Variants in PCDH18 observed in about 807,000 individuals in gnomAD.
The protein encoded by PCDH18 is protocadherin-18.
PCDH18 carries 38 observed loss-of-function variants against 71.5 expected under a neutral mutation model. That is an observed-to-expected ratio of 0.53 (90% CI 0.41 to 0.70). The LOEUF is 0.70. PCDH18 is among the 30% of genes least tolerant of loss of function. The pLI is 0.00. For missense variants in PCDH18, 1,334 were observed against 1,384.6 expected, an observed-to-expected ratio of 0.96 and a Z score of 0.58; for synonymous variants, 565 against 505.4, an observed-to-expected ratio of 1.12 and a Z score of -1.58.
chr4:137,529,029 C>A, intron 1 of PCDH18: 1 of 542,254 alleles, frequency 1.8e-6, no homozygotes, highest in South Asian at 2.7e-5. Flanking sequence ...TTTGGATGAC[C>A]TAATACAACT....
Position 137,523,101 on chromosome 4 carries a change from A to G in PCDH18, c.2741-1405T>C, listed in dbSNP as rs368573751. 1.9e-3 allele frequency among the ~76,000 whole-genome samples: 295 copies of G among 152,276 alleles called. 2 individuals carry two copies. The highest frequency in any genetic ancestry group is 0.016 in the South Asian group (75 of 4,826). On this transcript the variant is annotated intron_variant, in intron 3 of 3. Transcript: ENST00000344876. Reference sequence around the variant, plus strand: ...AATGAGATCAAGTATTATGAGTGAGAAAAAAGCTGAATCACTAGAAAACTA... The same window carrying G: ...AATGAGATCAAGTATTATGAGTGAGGAAAAAGCTGAATCACTAGAAAACTA...
rs939224662 is a variant in PCDH18, at chr4:137,519,970, A to T, written c.*1059T>A. ...GTTCTTATACTAAAAATAAAAGCAA[A>T]AATATGAGATCATGCACTGGAGACA... On this transcript the variant is annotated 3_prime_UTR_variant, in exon 4 of 4. Coordinates refer to ENST00000344876, the MANE Select transcript of PCDH18 (RefSeq NM_019035.5). 2 of 152,622 alleles carry T rather than the reference A, an allele frequency of 1.3e-5. No homozygotes were observed. Among genetic ancestry groups the T allele is most frequent in the African/African-American group, 2.4e-5 (1 of 41,460 alleles). The allele number at this position is 152,622 out of a possible 1,614,324, so 9.5% of individuals were successfully genotyped here.
At position 137,521,082 on chromosome 4, in the gene PCDH18, T is replaced by TGGCATCCATGAGTTCGTGTTTCCCATC; in HGVS notation, c.3328_3354dup (p.Asp1110_Ala1118dup). On this transcript the variant is annotated inframe_insertion, in exon 4 of 4. Coordinates refer to ENST00000344876, the MANE Select transcript of PCDH18 (RefSeq NM_019035.5). ...TTGTTAATCTCTGCCACCAGTTCAC[T>TGGCATCCATGAGTTCGTGTTTCCCATC]GGCATCCATGAGTTCGTGTTTCCCA... 1 of 1,613,278 alleles carries TGGCATCCATGAGTTCGTGTTTCCCATC rather than the reference T, an allele frequency of 6.2e-7. No individual in the cohort carries two copies. The highest frequency in any genetic ancestry group is 8.5e-7 in the Non-Finnish European group (1 of 1,179,328).
chr4:137,528,370 T>C (rs1731539481), intron 3 of PCDH18, 108 bp downstream of exon 3: 1 of 814,720 alleles, frequency 1.2e-6, no homozygotes, highest in South Asian at 1.7e-5. Context: ...ATAAATACTT[T>C]AGTGCAAGGG....
At position 137,521,200 on chromosome 4, in the gene PCDH18, C is replaced by T. The variant is rs1411948196; in HGVS notation, c.3237G>A (p.Val1079=). The part of the protein sequence containing the change: ...CGPPLGTHSS[V]QPSSKWLPAM... ...CTGGCAGCCATTTTGAAGAAGGCTG[C>T]ACACTGGAGTGAGTTCCAAGTGGCG... is the stretch of plus-strand genomic sequence containing the variant. Residue 1079 remains valine, a synonymous_variant, in exon 4 of 4, where the codon GTG becomes GTA. Transcript: ENST00000344876. The T allele has an allele frequency of 1.2e-6, 2 of 1,614,136 alleles. No homozygotes were observed. The highest frequency in any genetic ancestry group is 1.3e-5 in the African/African-American group (1 of 75,084).
At chr4:137,526,495 T>C (rs544082830) in intron 3 of PCDH18, among the ~76,000 whole-genome samples, 1 of 152,234 alleles carries the variant, frequency 6.6e-6, no homozygotes, top group African/African-American at 2.4e-5. Flanking sequence ...GAAAACTGAT[T>C]CTCTTTGAGC....
intron 3 of PCDH18, among the ~76,000 whole-genome samples, chr4:137,525,854 T>A (rs72720198): frequency 0.22 from 33,779 of 151,718 alleles, 3,907 homozygotes; most frequent in East Asian, 0.34. Flanking sequence ...AGATTTTTTT[T>A]TAAAAATTGT....
Position 137,531,848 on chromosome 4 carries a change from C to T in PCDH18, c.241G>A (p.Glu81Lys), listed in dbSNP as rs769108724. 10 of 1,614,074 alleles carry T rather than the reference C, an allele frequency of 6.2e-6. No homozygotes were observed. Among genetic ancestry groups the T allele is most frequent in the South Asian group, 1.1e-5 (1 of 91,070 alleles). ...CCTATGCTGATTTCCCCATTATCCT[C>T]GTTTACTACAAGTAGAGGAGAATTT... ...RGNSPLLVVN[E>K]DNGEISIGAT... Residue 81 changes from glutamate (E) to lysine (K), a missense_variant, in exon 1 of 4, where the codon GAG (glutamate) becomes AAG (lysine). By Grantham distance (56) the Glu-to-Lys change is moderately conservative. Coordinates refer to ENST00000344876, the MANE Select transcript of PCDH18 (RefSeq NM_019035.5).
intron 3 of PCDH18, among the ~76,000 whole-genome samples, chr4:137,524,937 A>G (rs1044950169): frequency 6.6e-6 from 1 of 152,192 alleles, no homozygotes; most frequent in African/African-American, 2.4e-5. Context: ...AAAGGCCAGA[A>G]CAGATGGGCT....
Position 137,521,404 on chromosome 4 carries a change from C to T in PCDH18, c.3033G>A (p.Val1011=), listed in dbSNP as rs202048868. ...TSSLLSEMSS[V]FQRLLPPSLD... The stretch of plus-strand genomic sequence containing the variant: ...GGGAAGGCGGTAAGAGACGCTGGAA[C>T]ACACTGCTCATTTCCGAGAGCAGAG... Residue 1011 remains valine, a synonymous_variant, in exon 4 of 4, where the codon GTG becomes GTA. Coordinates refer to ENST00000344876, the MANE Select transcript of PCDH18 (RefSeq NM_019035.5). 267 of 1,614,080 alleles carry T rather than the reference C, an allele frequency of 1.7e-4. 1 individual carries two copies. Among genetic ancestry groups the T allele is most frequent in the Middle Eastern group, 3.3e-4 (2 of 6,082 alleles).
chr4:137,532,017 A>G lies in PCDH18; in HGVS notation c.72T>C (p.Asp24=). 1 of 1,613,866 alleles carries G rather than the reference A, an allele frequency of 6.2e-7. No individual in the cohort carries two copies. The highest frequency in any genetic ancestry group is 1.1e-5 in the South Asian group (1 of 91,030). The change falls in exon 1 of 4, where the codon GAT becomes GAC. Residue 24 remains aspartate (D), a synonymous_variant. Transcript: ENST00000344876. ...TGTATTTCAAATTCTTGCCCAGTAC[A>G]TCGTGGTTGAAAGATACTATCAGAA... ...FALLIVSFNH[D]VLGKNLKYRI... is the part of the protein sequence containing the mutation.
rs1731279117 is a variant in PCDH18, at chr4:137,521,141, T to A, written c.3296A>T (p.Asp1099Val). 2 of 1,614,132 alleles carry A rather than the reference T, an allele frequency of 1.2e-6. No individual in the cohort carries two copies. The highest frequency in any genetic ancestry group is 1.6e-4 in the Middle Eastern group (1 of 6,062). ...GTGGTTGAGCACATTGTCAAAATCA[T>A]CTTCCTCATAATTTTCAGGGATCTC... is the stretch of plus-strand genomic sequence containing the variant. ...MEEIPENYEE[D>V]DFDNVLNHLN... The change falls in exon 4 of 4, where the codon GAT becomes GTT. Residue 1099 changes from aspartate to valine, a missense_variant. Transcript: ENST00000344876.
At chr4:137,524,820 T>A (rs1261340467) in intron 3 of PCDH18, among the ~76,000 whole-genome samples, 1 of 152,140 alleles carries the variant, frequency 6.6e-6, no homozygotes, top group Non-Finnish European at 1.5e-5. Flanking sequence ...ATTAAAATGT[T>A]CTCAAAATGT....
chr4:137,522,235 C>T (rs1731322557), intron 3 of PCDH18, among the ~76,000 whole-genome samples: 1 of 152,108 alleles, frequency 6.6e-6, no homozygotes, highest in African/African-American at 2.4e-5. Context: ...TTACTTAACA[C>T]AGCAGTGAAA....
Position 137,530,067 on chromosome 4 carries a change from G to A in PCDH18, c.2022C>T (p.Cys674=). 6.2e-7 allele frequency: 1 copy of A among 1,614,060 alleles called. No homozygotes were observed. Among genetic ancestry groups the A allele is most frequent in the Non-Finnish European group, 8.5e-7 (1 of 1,179,934 alleles). The change falls in exon 1 of 4, where the codon TGC becomes TGT. Residue 674 remains cysteine, a synonymous_variant. Transcript: ENST00000344876. ...PQLHTKVLLK[C]MIFEYAESVT... is the part of the protein sequence containing the mutation. ...CCGACTCTGCATATTCAAAGATCATGCACTTCAGAAGGACTTTGGTATGTA... is the reference window on the plus strand; with the variant it reads ...CCGACTCTGCATATTCAAAGATCATACACTTCAGAAGGACTTTGGTATGTA...
In PCDH18 at chr4:137,530,135, A is replaced by G. The variant is rs774265200; in HGVS notation, c.1954T>C (p.Trp652Arg). 1.2e-6 allele frequency: 2 copies of G among 1,612,978 alleles called. No homozygotes were observed. The highest frequency in any genetic ancestry group is 2.7e-5 in the African/African-American group (2 of 75,026). ...VSMDSVPYTEWELSVIIQDKG... is the reference protein window; with the variant it reads ...VSMDSVPYTERELSVIIQDKG... ...TCCTGAATGATAACTGACAGCTCCCATTCTGTGTAGGGAACAGAATCCATG... is the reference window on the plus strand; with the variant it reads ...TCCTGAATGATAACTGACAGCTCCCGTTCTGTGTAGGGAACAGAATCCATG... Residue 652 changes from tryptophan to arginine, a missense_variant, in exon 1 of 4, where the codon TGG (tryptophan) becomes CGG (arginine). Coordinates refer to ENST00000344876, the MANE Select transcript of PCDH18 (RefSeq NM_019035.5).
At position 137,528,741 on chromosome 4, in the gene PCDH18, C is replaced by G. The variant is rs1731554090; in HGVS notation, c.2567G>C (p.Arg856Thr). 6.2e-7 allele frequency: 1 copy of G among 1,612,624 alleles called. No homozygotes were observed. The highest frequency in any genetic ancestry group is 8.5e-7 in the Non-Finnish European group (1 of 1,178,710). Residue 856 changes from arginine to threonine, a missense_variant, in exon 2 of 4, where the codon AGG becomes ACG. Transcript: ENST00000344876. ...CAAGAATAATTCATACCTGTAGCTC[C>G]TGGAATATTTGTTTCCTCGAAAACT... ...RPSFRGNKYS[R>T]SYRYALQDMD... is the part of the protein sequence containing the mutation.
In PCDH18 at chr4:137,521,202, C is replaced by T; in HGVS notation, c.3235G>A (p.Val1079Met). Residue 1079 changes from valine (V) to methionine (M), a missense_variant, in exon 4 of 4, where the codon GTG (valine) becomes ATG (methionine). Val to Met is a conservative substitution (Grantham distance 21). Transcript: ENST00000344876. ...CGPPLGTHSS[V>M]QPSSKWLPAM... ...GGCAGCCATTTTGAAGAAGGCTGCA[C>T]ACTGGAGTGAGTTCCAAGTGGCGGC... 3 of 1,614,144 alleles carry T rather than the reference C, an allele frequency of 1.9e-6. No homozygotes were observed. The highest frequency in any genetic ancestry group is 2.5e-6 in the Non-Finnish European group (3 of 1,179,992).
chr4:137,528,638 A>G lies in PCDH18; in HGVS notation c.2580T>C (p.Tyr860=), dbSNP rs1731548972. Residue 860 remains tyrosine (Y), a synonymous_variant, in exon 3 of 4, where the codon TAT becomes TAC. Coordinates refer to ENST00000344876, the MANE Select transcript of PCDH18 (RefSeq NM_019035.5). ...TAAATTTGTCCATGTCTTGAAGGGC[A>G]TATCTGGAAAGATAAATCACAAAAA... ...RGNKYSRSYR[Y]ALQDMDKFSL... is the part of the protein sequence containing the mutation. 6.2e-7 allele frequency: 1 copy of G among 1,613,864 alleles called. No individual in the cohort carries two copies. Among genetic ancestry groups the G allele is most frequent in the African/African-American group, 1.3e-5 (1 of 75,022 alleles).
Sources: gnomAD v4.1 joint callset for allele counts (sites outside exome capture counted in the v4.1 genomes callset) on GRCh38, gnomAD v4.1.1 for gene constraint, MANE v1.5 for transcripts, NCBI Gene and HGNC (gene_info 2026-07-23, HGNC 2026-07-21) for gene names.